DIS3L2: variants seen among roughly 807,000 people sequenced by gnomAD.
DIS3L2 encodes the protein DIS3-like exonuclease 2.
Under a neutral mutation model 97.5 loss-of-function variants are expected in DIS3L2, and 34 were observed. The observed-to-expected ratio is 0.35, with a 90% CI of 0.27 to 0.46. The LOEUF (loss-of-function observed/expected upper bound fraction) is 0.46, where lower values mean the gene tolerates loss of function less well. Ranked by LOEUF, DIS3L2 falls within the 20% of genes least tolerant of loss-of-function variation. DIS3L2 has a pLI of 1.00. For synonymous variants in DIS3L2, 435 were observed against 445.2 expected (o/e 0.98, Z 0.29); for missense variants, 1,038 against 1,146.0 (o/e 0.91, Z 1.36).
At position 232,343,480 on chromosome 2, in the gene DIS3L2, C is replaced by T. The variant is rs776084035; in HGVS notation, c.1717C>T (p.Arg573Ter). The T allele has an allele frequency of 1.5e-5, 23 of 1,555,772 alleles. No individual in the cohort carries two copies. The Admixed American group carries it at 1.8e-4, about 12-fold the overall frequency. The change falls in exon 14 of 14, where the codon CGA (arginine) becomes TGA (stop). Residue 573 changes from arginine (R) to a stop codon, truncating the protein, a stop_gained. Coordinates refer to the DIS3L2 transcript ENST00000273009. LOFTEE classifies it high-confidence loss of function. ...CATATGTGACAGGGATCCAGACACA[C>T]GACTGTTTTTCCTTCAGCAACAGAG...
Position 232,298,524 on chromosome 2 carries a change from G to T in DIS3L2, c.1660-1516G>T, listed in dbSNP as rs565488855. Among the ~76,000 whole-genome samples the T allele has an allele frequency of 2.0e-5, 3 of 152,268 alleles. No homozygotes were observed. In the South Asian group the frequency reaches 6.2e-4, roughly 32 times the overall value. ...AACATGCCTTTGACTTGAAGTTCTG[G>T]CTTCATGATGGTCGAGAAGGGCTTG... On this transcript the variant is annotated intron_variant, in intron 13 of 20. Transcript: ENST00000325385.
At chr2:232,084,471 C>T (rs192431447) in intron 5 of DIS3L2, among the ~76,000 whole-genome samples, 18 of 152,270 alleles carry the variant, frequency 1.2e-4, no homozygotes, top group Admixed American at 6.5e-4. Context: ...TTTCAGATTT[C>T]AGACCATTTT....
intron 13 of DIS3L2, among the ~76,000 whole-genome samples, chr2:232,290,286 G>A (rs528387551): frequency 1.8e-4 from 28 of 152,234 alleles, no homozygotes; most frequent in Non-Finnish European, 3.1e-4. Context: ...GCTCAGGCAC[G>A]TGAGAGGCAA....
In DIS3L2 at chr2:232,024,258, T is replaced by C; in HGVS notation, c.211-19T>C. ...AATATATAGCTAGATTTTCACAAACTTTATTTTTTGTTTTAAAGGGTGTAT... is the reference window on the plus strand; with the variant it reads ...AATATATAGCTAGATTTTCACAAACCTTATTTTTTGTTTTAAAGGGTGTAT... On this transcript the variant is annotated intron_variant, in intron 3 of 20. Coordinates refer to ENST00000325385, the MANE Select transcript of DIS3L2 (RefSeq NM_152383.5). 6.4e-7 allele frequency: 1 copy of C among 1,559,662 alleles called. No individual in the cohort carries two copies. Among genetic ancestry groups the C allele is most frequent in the South Asian group, 1.2e-5 (1 of 81,772 alleles).
chr2:232,050,496 G>A (rs529935694), intron 5 of DIS3L2, among the ~76,000 whole-genome samples: 1 of 150,414 alleles, frequency 6.6e-6, no homozygotes, highest in African/African-American at 2.5e-5. Flanking sequence ...CCAGGCTCTC[G>A]AACTCCTCAC....
chr2:232,288,157 G>A (rs188131493), intron 13 of DIS3L2, among the ~76,000 whole-genome samples: 221 of 152,342 alleles, frequency 1.5e-3, no homozygotes, highest in African/African-American at 5.1e-3. Context: ...TGAGATGGCA[G>A]TGTAGTTCTG....
intron 10 of DIS3L2, among the ~76,000 whole-genome samples, chr2:232,224,769 T>A (rs1301085249): frequency 6.7e-6 from 1 of 148,294 alleles, no homozygotes; most frequent in African/African-American, 2.5e-5. Context: ...ACCTGGGAGG[T>A]GGAGGTTGCA....
intron 5 of DIS3L2, among the ~76,000 whole-genome samples, chr2:232,066,273 C>A (rs1695854491): frequency 6.6e-6 from 1 of 151,884 alleles, no homozygotes; most frequent in Non-Finnish European, 1.5e-5. Flanking sequence ...TTAGGTTTTT[C>A]ATAGATGCCC....
chr2:232,130,011 G>A (rs188056201), intron 6 of DIS3L2, among the ~76,000 whole-genome samples: 20 of 152,248 alleles, frequency 1.3e-4, no homozygotes, highest in Non-Finnish European at 2.6e-4. Flanking sequence ...AGTTTCTTGG[G>A]TGAATGTGCG....
chr2:231,970,682 G>A (rs1435530953), intron 1 of DIS3L2, among the ~76,000 whole-genome samples: 2 of 152,156 alleles, frequency 1.3e-5, no homozygotes, highest in Non-Finnish European at 2.9e-5. Flanking sequence ...GAAGGCCGAG[G>A]ACATTACTGT....
At chr2:231,967,671 T>G (rs1213112205) in intron 1 of DIS3L2, among the ~76,000 whole-genome samples, 17 of 152,224 alleles carry the variant, frequency 1.1e-4, no homozygotes, top group Non-Finnish European at 8.8e-5. Flanking sequence ...AGAATTGTTC[T>G]GAGATTTTTT....
chr2:232,080,084 G>C (rs1036693150), intron 5 of DIS3L2, among the ~76,000 whole-genome samples: 1 of 152,184 alleles, frequency 6.6e-6, no homozygotes, highest in Non-Finnish European at 1.5e-5. Flanking sequence ...TGGCAATAAA[G>C]GTTGTTTGGG....
At chr2:232,060,650 G>A (rs1168853127) in intron 5 of DIS3L2, among the ~76,000 whole-genome samples, 3 of 151,920 alleles carry the variant, frequency 2.0e-5, no homozygotes. Context: ...GGTCTTTTAT[G>A]GCTTCATATA....
At chr2:232,061,275 T>G (rs1244449357) in intron 5 of DIS3L2, among the ~76,000 whole-genome samples, 1 of 152,228 alleles carries the variant, frequency 6.6e-6, no homozygotes, top group Admixed American at 6.5e-5. Flanking sequence ...CTTTTGTCTC[T>G]TTTTCCTAGT....
chr2:232,181,487 A>G (rs1342341383), intron 9 of DIS3L2, among the ~76,000 whole-genome samples: 2 of 152,082 alleles, frequency 1.3e-5, no homozygotes, highest in Non-Finnish European at 2.9e-5. Context: ...ACATAGTCCC[A>G]TATTTCTTGG....
In DIS3L2 at chr2:232,325,709, G is replaced by A. The variant is rs1350740266; in HGVS notation, c.1740-4104G>A. On this transcript the variant is annotated intron_variant, in intron 14 of 20. Transcript: ENST00000325385. This position sits in a 1 kb window ranked among gnomAD's most constrained non-coding sequence, Gnocchi z 4.6. ...CCCGTCTCCGAGGCCTTAGCTTGCT[G>A]TTCTGGAAGGTGATGCTGGCTGGCA... Among the ~76,000 whole-genome samples, 1 of 152,232 alleles carries A rather than the reference G, an allele frequency of 6.6e-6. No individual in the cohort carries two copies. Among genetic ancestry groups the A allele is most frequent in the Non-Finnish European group, 1.5e-5 (1 of 68,036 alleles).
At chr2:232,144,011 T>C (rs1690145879) in intron 8 of DIS3L2, among the ~76,000 whole-genome samples, 1 of 152,158 alleles carries the variant, frequency 6.6e-6, no homozygotes, top group African/African-American at 2.4e-5. Context: ...TCATTTAACA[T>C]GTTTCTAAAA....
chr2:232,270,860 G>GTCCCTC lies in DIS3L2; in HGVS notation c.1659+7422_1659+7423insCCTCTC, dbSNP rs1491319157. On this transcript the variant is annotated intron_variant, in intron 13 of 20. Transcript: ENST00000325385. ...CGCACTCGCGCGCTCTCTTTTTCTCGTCTCTCTCTCTCTCTCTCTCTCTCT... is the reference window on the plus strand; with the variant it reads ...CGCACTCGCGCGCTCTCTTTTTCTCGTCCCTCTCTCTCTCTCTCTCTCTCTCTCTCT... Among the ~76,000 whole-genome samples, 520 of 103,856 alleles carry GTCCCTC rather than the reference G, an allele frequency of 5.0e-3. 26 individuals carry two copies. The highest frequency in any genetic ancestry group is 0.041 in the East Asian group (107 of 2,624). The allele number at this position is 103,856 out of a possible 152,430, so 68.1% of individuals were successfully genotyped here.
chr2:232,324,164 C>T (rs1695513101), intron 14 of DIS3L2, among the ~76,000 whole-genome samples: 2 of 152,202 alleles, frequency 1.3e-5, no homozygotes, highest in African/African-American at 2.4e-5. Flanking sequence ...GTTGGGTACA[C>T]AGCTTCTGAG....
Sources: allele counts gnomAD v4.1 joint callset (sites outside exome capture counted in the v4.1 genomes callset), GRCh38; gene constraint gnomAD v4.1.1; non-coding constraint Gnocchi (gnomAD v3.1); transcripts MANE v1.5; gene names NCBI Gene and HGNC (gene_info 2026-07-23, HGNC 2026-07-21).